Variants in ADAMTS6 observed in about 807,000 individuals in gnomAD.
The protein encoded by ADAMTS6 is ADAM metallopeptidase with thrombospondin type 1 motif 6, also known as A disintegrin and metalloproteinase with thrombospondin motifs 6.
A neutral mutation model predicts 144.3 loss-of-function variants in ADAMTS6; 23 were observed. The ratio of observed to expected loss-of-function variants is 0.16; its 90% CI spans 0.11 to 0.23. ADAMTS6 has a LOEUF of 0.23. Among genes scored for constraint, ADAMTS6 ranks in the 10% least tolerant of loss-of-function variants. The probability of loss-of-function intolerance (pLI) is 1.00; values close to 1 mark genes in which losing one functional copy is unlikely to be tolerated. For synonymous variants in ADAMTS6, 444 were observed against 457.5 expected (o/e 0.97, Z 0.38); for missense variants, 999 against 1,379.6 (o/e 0.72, Z 4.37).
chr5:65,333,997 T>TAAAAAA (rs750637450), intron 8 of ADAMTS6, 45 bp downstream of exon 8: 605 of 841,700 alleles, frequency 7.2e-4, no homozygotes, highest in African/African-American at 3.4e-3. Flanking sequence ...CTACCTTTAT[T>TAAAAAA]AAAAAAAAAA....
chr5:65,222,051 C>T (rs1757359384), intron 18 of ADAMTS6, among the ~76,000 whole-genome samples: 1 of 152,000 alleles, frequency 6.6e-6, no homozygotes, highest in African/African-American at 2.4e-5. Context: ...GTCAATTCTC[C>T]ACAAATTAAC....
intron 15 of ADAMTS6, among the ~76,000 whole-genome samples, chr5:65,231,454 T>C (rs557764661): frequency 1.3e-5 from 2 of 152,264 alleles, no homozygotes; most frequent in South Asian, 4.1e-4. Context: ...TAGTCTACTT[T>C]CAACAATGGA....
intron 20 of ADAMTS6, among the ~76,000 whole-genome samples, chr5:65,201,904 G>T (rs915039886): frequency 4.6e-5 from 7 of 152,168 alleles, no homozygotes; most frequent in African/African-American, 1.4e-4. Context: ...CATATGGCCA[G>T]CAATATTAAT....
chr5:65,386,097 TTA>T (rs1367747301), intron 7 of ADAMTS6, among the ~76,000 whole-genome samples: 1 of 152,230 alleles, frequency 6.6e-6, no homozygotes, highest in Non-Finnish European at 1.5e-5. Context: ...TCTACCAGAA[TTA>T]TGAGTCCTCC....
intron 7 of ADAMTS6, among the ~76,000 whole-genome samples, chr5:65,370,673 C>T (rs980665561): frequency 7.9e-5 from 12 of 152,298 alleles, no homozygotes; most frequent in Middle Eastern, 3.4e-3. Context: ...TGAGATCAAA[C>T]GGCAAAGGGC....
intron 7 of ADAMTS6, among the ~76,000 whole-genome samples, chr5:65,382,685 G>A (rs1167633640): frequency 6.6e-6 from 1 of 152,154 alleles, no homozygotes; most frequent in Admixed American, 6.5e-5. Flanking sequence ...TTCTAGGCCT[G>A]GAGTAGTCTT....
chr5:65,349,386 G>C (rs1748636234), intron 7 of ADAMTS6, among the ~76,000 whole-genome samples: 1 of 151,680 alleles, frequency 6.6e-6, no homozygotes, highest in African/African-American at 2.4e-5. Flanking sequence ...AATCACCACA[G>C]CACTTTAAAA....
At chr5:65,198,767 T>C (rs148963201) in intron 20 of ADAMTS6, 4 of 164,458 alleles carry the variant, frequency 2.4e-5, no homozygotes, top group Non-Finnish European at 5.9e-5. Context: ...CTAGAGTATG[T>C]ATTGTATTCC....
chr5:65,190,516 A>G (rs888725897), intron 21 of ADAMTS6, among the ~76,000 whole-genome samples: 1 of 152,174 alleles, frequency 6.6e-6, no homozygotes, highest in African/African-American at 2.4e-5. Flanking sequence ...AAGTTCAGTC[A>G]CACAACCTCC....
At chr5:65,262,004 G>A (rs1384488871) in intron 13 of ADAMTS6, among the ~76,000 whole-genome samples, 2 of 152,122 alleles carry the variant, frequency 1.3e-5, no homozygotes, top group African/African-American at 4.8e-5. Flanking sequence ...TACTAGCTGG[G>A]AAAGAAGGTC....
intron 9 of ADAMTS6, among the ~76,000 whole-genome samples, chr5:65,300,365 G>GT (rs1225696619): frequency 6.6e-6 from 1 of 152,046 alleles, no homozygotes; most frequent in Non-Finnish European, 1.5e-5. Flanking sequence ...ACTCTCACCT[G>GT]TTATCGCACG....
chr5:65,152,751 C>G (rs1752203618), intron 24 of ADAMTS6, among the ~76,000 whole-genome samples: 1 of 152,114 alleles, frequency 6.6e-6, no homozygotes, highest in Non-Finnish European at 1.5e-5. Flanking sequence ...GGGACATGGG[C>G]CTTTGATTCT....
intron 21 of ADAMTS6, 83 bp from the exon 22 acceptor site, chr5:65,188,303 T>G (rs1174007690): frequency 7.7e-7 from 1 of 1,298,074 alleles, no homozygotes. Flanking sequence ...GCACTTTCAC[T>G]GATGGACTAC....
chr5:65,162,014 G>A (rs901088368), intron 24 of ADAMTS6, among the ~76,000 whole-genome samples: 1 of 152,070 alleles, frequency 6.6e-6, no homozygotes, highest in Admixed American at 6.6e-5. Context: ...AATAAAAAGC[G>A]ATTTAGCCAG....
chr5:65,230,301 T>C lies in ADAMTS6; in HGVS notation c.1934-4082A>G, dbSNP rs1758055593. On this transcript the variant is annotated intron_variant, in intron 15 of 24. Coordinates refer to ENST00000381055, the MANE Select transcript of ADAMTS6 (RefSeq NM_197941.4). The stretch of plus-strand genomic sequence containing the variant: ...AATACCTAAAGCATATATATATATA[T>C]ATATATATATGAAATATATATAATA... 3.3e-5 allele frequency among the ~76,000 whole-genome samples: 3 copies of C among 89,700 alleles called. 1 individual carries two copies. Among genetic ancestry groups the C allele is most frequent in the Non-Finnish European group, 6.5e-5 (3 of 46,140 alleles). 58.8% of individuals were successfully genotyped at this position (89,700 alleles called of 152,430 possible).
intron 7 of ADAMTS6, among the ~76,000 whole-genome samples, chr5:65,356,248 G>C (rs146822742): frequency 4.4e-4 from 67 of 151,912 alleles, no homozygotes; most frequent in African/African-American, 1.5e-3. Context: ...GTTAGATGAA[G>C]ACAGACATAA....
intron 4 of ADAMTS6, among the ~76,000 whole-genome samples, chr5:65,459,646 C>G (rs1336413264): frequency 6.6e-6 from 1 of 152,234 alleles, no homozygotes; most frequent in East Asian, 1.9e-4. Flanking sequence ...GCTACCTTCA[C>G]TTTTCCCCCA....
At chr5:65,250,297 C>T (rs1156624697) in intron 14 of ADAMTS6, among the ~76,000 whole-genome samples, 1 of 152,152 alleles carries the variant, frequency 6.6e-6, no homozygotes, top group African/African-American at 2.4e-5. Context: ...TTGCCAAGGT[C>T]AAATAGCAAC....
chr5:65,388,014 C>G (rs148169328), intron 7 of ADAMTS6, among the ~76,000 whole-genome samples: 1,131 of 88,714 alleles, frequency 0.013, 12 homozygotes, highest in African/African-American at 0.048. Flanking sequence ...AATTCAAGAC[C>G]AGCCTGGCCA....
Sources: gnomAD v4.1 joint callset for allele counts (sites outside exome capture counted in the v4.1 genomes callset) on GRCh38, gnomAD v4.1.1 for gene constraint, MANE v1.5 for transcripts, NCBI Gene and HGNC (gene_info 2026-07-23, HGNC 2026-07-21) for gene names.